CTNNA3: variants seen among roughly 807,000 people sequenced by gnomAD.
CTNNA3 encodes the protein catenin alpha 3.
Under a neutral mutation model 95.7 loss-of-function variants are expected in CTNNA3, and 76 were observed. The ratio of observed to expected loss-of-function variants is 0.79; its 90% CI spans 0.66 to 0.96. The LOEUF is 0.96. Among genes scored for constraint, CTNNA3 ranks in the 40% least tolerant of loss-of-function variants. The pLI, the probability that CTNNA3 is intolerant of heterozygous loss-of-function variation, is 0.00. For missense variants in CTNNA3, 1,191 were observed against 1,089.8 expected, an observed-to-expected ratio of 1.09 and a Z score of -1.31; for synonymous variants, 431 against 374.4, an observed-to-expected ratio of 1.15 and a Z score of -1.74.
At chr10:67,045,497 G>A (rs1232504706) in intron 7 of CTNNA3, among the ~76,000 whole-genome samples, 2 of 152,084 alleles carry the variant, frequency 1.3e-5, no homozygotes, top group Middle Eastern at 3.2e-3. Context: ...AGATCGCGGC[G>A]AGGGAACTGT....
In CTNNA3 at chr10:67,656,956, G is replaced by A. The variant is rs141472797; in HGVS notation, c.-5-9438C>T. ...GAGGAATCACTCTGGTGAATAGAAC[G>A]AAGTACGAAGGGCAAAAGAAAAAAT... On this transcript the variant is annotated intron_variant, in intron 1 of 17. Transcript: ENST00000433211. 3.7e-3 allele frequency among the ~76,000 whole-genome samples: 556 copies of A among 152,276 alleles called. 4 individuals carry two copies. Among genetic ancestry groups the A allele is most frequent in the African/African-American group, 0.013 (521 of 41,552 alleles).
At chr10:67,455,803 G>A (rs1455483627) in intron 5 of CTNNA3, among the ~76,000 whole-genome samples, 1 of 152,086 alleles carries the variant, frequency 6.6e-6, no homozygotes, top group East Asian at 1.9e-4. Context: ...GACTGTCACA[G>A]AGCAGAATGT....
intron 3 of CTNNA3, among the ~76,000 whole-genome samples, chr10:67,553,552 C>T (rs1841109412): frequency 6.6e-6 from 1 of 152,062 alleles, no homozygotes; most frequent in Non-Finnish European, 1.5e-5. Context: ...AAGAAACCTG[C>T]ATTTTACTTA....
intron 5 of CTNNA3, among the ~76,000 whole-genome samples, chr10:67,249,419 A>C (rs994130826): frequency 5.9e-5 from 9 of 152,196 alleles, no homozygotes; most frequent in Non-Finnish European, 1.3e-4. Context: ...ATCACATCCT[A>C]TCATACGCTT....
chr10:66,608,323 C>T (rs1157020505), intron 10 of CTNNA3, among the ~76,000 whole-genome samples: 1 of 152,036 alleles, frequency 6.6e-6, no homozygotes, highest in African/African-American at 2.4e-5. Flanking sequence ...GCGAAACGTC[C>T]CATGCTCATG....
intron 17 of CTNNA3, among the ~76,000 whole-genome samples, chr10:65,960,448 C>T (rs2077819814): frequency 6.6e-6 from 1 of 151,960 alleles, no homozygotes; most frequent in Non-Finnish European, 1.5e-5. Flanking sequence ...TGGCATGAAC[C>T]CAGGAGGCGG....
intron 10 of CTNNA3, among the ~76,000 whole-genome samples, chr10:66,608,541 A>C (rs1478029629): frequency 1.3e-5 from 2 of 152,170 alleles, no homozygotes; most frequent in Non-Finnish European, 2.9e-5. Flanking sequence ...TACTAGCTTC[A>C]AACTATGCTA....
intron 2 of CTNNA3, among the ~76,000 whole-genome samples, chr10:67,641,025 A>T (rs990977844): frequency 7.9e-5 from 12 of 152,322 alleles, no homozygotes; most frequent in African/African-American, 2.6e-4. Flanking sequence ...TAAACTAAAG[A>T]GCTTCCGCAC....
At chr10:65,965,541 A>C (rs1265917479) in intron 17 of CTNNA3, among the ~76,000 whole-genome samples, 1 of 151,590 alleles carries the variant, frequency 6.6e-6, no homozygotes, top group African/African-American at 2.4e-5. Flanking sequence ...AGTAGCTGAG[A>C]TTACAGGCAT....
intron 9 of CTNNA3, among the ~76,000 whole-genome samples, chr10:66,757,302 G>A (rs1839401024): frequency 6.6e-6 from 1 of 152,042 alleles, no homozygotes; most frequent in Non-Finnish European, 1.5e-5. Flanking sequence ...TTTAGATTAG[G>A]AAGAATATTC....
intron 14 of CTNNA3, among the ~76,000 whole-genome samples, chr10:66,092,713 A>C (rs976262502): frequency 1.1e-4 from 17 of 151,944 alleles, no homozygotes; most frequent in Non-Finnish European, 2.1e-4. Context: ...CCATGTTATA[A>C]GGTGGAAAAC....
At position 66,926,693 on chromosome 10, in the gene CTNNA3, G is replaced by T. The variant is rs1284925727; in HGVS notation, c.1048-151169C>A. On this transcript the variant is annotated intron_variant, in intron 7 of 17. Transcript: ENST00000433211. ...ATTATTTTAGAGATTACCTTGCTCT[G>T]CTCTAAGACTATGAATTTATTTGCT... 5 of 1,298,046 alleles carry T rather than the reference G, an allele frequency of 3.9e-6. 1 individual carries two copies. In the South Asian group the frequency reaches 5.2e-5, roughly 14 times the overall value. The allele number at this position is 1,298,046 out of a possible 1,614,324, so 80.4% of individuals were successfully genotyped here. A position where few individuals can be genotyped will look rare whatever the true frequency, so the allele number is the denominator to read the frequency against.
At chr10:65,969,156 C>T (rs2078042345) in intron 16 of CTNNA3, among the ~76,000 whole-genome samples, 1 of 151,292 alleles carries the variant, frequency 6.6e-6, no homozygotes. Flanking sequence ...TAGGAGTACA[C>T]AAGTTAAGCC....
At chr10:67,727,060 A>G (rs1417122351) in intron 1 of CTNNA3, among the ~76,000 whole-genome samples, 5 of 115,322 alleles carry the variant, frequency 4.3e-5, no homozygotes, top group East Asian at 4.8e-4. Context: ...TGATATAATT[A>G]TATATAATAT....
chr10:66,631,803 T>C lies in CTNNA3; in HGVS notation c.1282-10019A>G, dbSNP rs552327179. 5.1e-4 allele frequency among the ~76,000 whole-genome samples: 78 copies of C among 152,268 alleles called. 2 individuals carry two copies. The South Asian group carries it at 0.014, about 27-fold the overall frequency. ...CAAATATTGTTAACAAATAACTATA[T>C]TTATTCCCAGGTCTCAAAATTGTCT... On this transcript the variant is annotated intron_variant, in intron 9 of 17. Transcript: ENST00000433211.
chr10:67,332,474 T>C (rs1229089579), intron 5 of CTNNA3, among the ~76,000 whole-genome samples: 3 of 152,276 alleles, frequency 2.0e-5, no homozygotes, highest in East Asian at 3.9e-4. Context: ...TAGATTTCTG[T>C]AAGATGTCTG....
At chr10:67,458,886 AG>A (rs139196323) in intron 5 of CTNNA3, among the ~76,000 whole-genome samples, 12,924 of 152,184 alleles carry the variant, frequency 0.085, 653 homozygotes, top group South Asian at 0.16. Flanking sequence ...GGGGACAAAA[AG>A]TGAAACCATA....
chr10:65,969,051 G>A (rs1385044029), intron 16 of CTNNA3, among the ~76,000 whole-genome samples: 1 of 152,164 alleles, frequency 6.6e-6, no homozygotes, highest in Admixed American at 6.5e-5. Flanking sequence ...AAACAAGGAT[G>A]AAGTATACAC....
intron 9 of CTNNA3, among the ~76,000 whole-genome samples, chr10:66,658,781 C>A (rs1247218006): frequency 8.5e-5 from 13 of 152,142 alleles, no homozygotes; most frequent in Admixed American, 8.5e-4. Context: ...GCAACCTGTG[C>A]CTCACGGGTT....
Sources: allele counts gnomAD v4.1 joint callset (sites outside exome capture counted in the v4.1 genomes callset), GRCh38; gene constraint gnomAD v4.1.1; transcripts MANE v1.5; gene names NCBI Gene and HGNC (gene_info 2026-07-23, HGNC 2026-07-21).